Variants in RAP1GDS1 observed in about 807,000 individuals in gnomAD.
The protein encoded by RAP1GDS1 is Rap1 GTPase-GDP dissociation stimulator 1, also known as RAP1, GTP-GDP dissociation stimulator 1.
A neutral mutation model predicts 71.1 loss-of-function variants in RAP1GDS1; 35 were observed. The ratio of observed to expected loss-of-function variants is 0.49; its 90% CI spans 0.38 to 0.65. The LOEUF (loss-of-function observed/expected upper bound fraction) is 0.65, where lower values mean the gene tolerates loss of function less well. RAP1GDS1 is among the 30% of genes least tolerant of loss of function. The pLI, the probability that RAP1GDS1 is intolerant of heterozygous loss-of-function variation, is 0.00. For missense variants in RAP1GDS1, 663 were observed against 706.1 expected, an observed-to-expected ratio of 0.94 and a Z score of 0.69; for synonymous variants, 229 against 243.1, an observed-to-expected ratio of 0.94 and a Z score of 0.54.
intron 1 of RAP1GDS1, among the ~76,000 whole-genome samples, chr4:98,263,869 G>A (rs1288681949): frequency 6.6e-6 from 1 of 152,148 alleles, no homozygotes; most frequent in African/African-American, 2.4e-5. Flanking sequence ...CTGTAGGTTG[G>A]TTTTGAGTCA....
At chr4:98,408,824 A>T (rs1461285381) in intron 7 of RAP1GDS1, among the ~76,000 whole-genome samples, 2 of 152,192 alleles carry the variant, frequency 1.3e-5, no homozygotes, top group Non-Finnish European at 2.9e-5. Flanking sequence ...AAAGCTTTTC[A>T]TAAAATTAAG....
In RAP1GDS1 at chr4:98,372,953, G is replaced by A. The variant is rs573792252; in HGVS notation, c.362-6064G>A. 1.6e-4 allele frequency among the ~76,000 whole-genome samples: 24 copies of A among 152,328 alleles called. 1 individual carries two copies. The highest frequency in any genetic ancestry group is 5.8e-4 in the African/African-American group (24 of 41,584). ...GACCTTCCTGCCTTGGCCTCCCAAA[G>A]TGCTGAGATTATAGGCGTGAGCCAC... On this transcript the variant is annotated intron_variant, in intron 4 of 14. Transcript: ENST00000408927.
At chr4:98,393,211 G>C (rs1743990757) in intron 6 of RAP1GDS1, among the ~76,000 whole-genome samples, 1 of 152,138 alleles carries the variant, frequency 6.6e-6, no homozygotes, top group Non-Finnish European at 1.5e-5. Flanking sequence ...CTAACTGAAA[G>C]CTCATCTTGA....
chr4:98,314,568 T>C (rs1208397297), intron 2 of RAP1GDS1, among the ~76,000 whole-genome samples: 2 of 152,150 alleles, frequency 1.3e-5, no homozygotes, highest in African/African-American at 4.8e-5. Flanking sequence ...ATTCATTGTT[T>C]GTATAAGCCT....
chr4:98,349,506 A>G (rs1424576125), intron 3 of RAP1GDS1, among the ~76,000 whole-genome samples: 1 of 152,196 alleles, frequency 6.6e-6, no homozygotes, highest in Non-Finnish European at 1.5e-5. Flanking sequence ...CTGTGAAGGA[A>G]GTCATTGGTA....
intron 1 of RAP1GDS1, among the ~76,000 whole-genome samples, chr4:98,274,659 A>G (rs528425031): frequency 3.5e-4 from 53 of 152,252 alleles, no homozygotes; most frequent in African/African-American, 1.3e-3. Context: ...CAACTTGGGA[A>G]ATATTCTTGC....
chr4:98,404,401 A>T, intron 6 of RAP1GDS1, 76 bp from the exon 7 acceptor site: 1 of 1,352,862 alleles, frequency 7.4e-7, no homozygotes, highest in Non-Finnish European at 1.0e-6. Context: ...ATGGTACAAA[A>T]TAACTAAGTA....
intron 2 of RAP1GDS1, among the ~76,000 whole-genome samples, chr4:98,309,183 T>G (rs1299094591): frequency 6.6e-6 from 1 of 151,978 alleles, no homozygotes; most frequent in African/African-American, 2.4e-5. Context: ...TAGAACAAAA[T>G]TTTTAAAATA....
intron 1 of RAP1GDS1, among the ~76,000 whole-genome samples, chr4:98,284,316 A>G (rs1340232137): frequency 2.6e-5 from 4 of 152,138 alleles, no homozygotes; most frequent in Admixed American, 2.0e-4. Flanking sequence ...TAGGGTACAA[A>G]TGATCCCATC....
At chr4:98,420,317 AATTATTTATTTATACAT>A (rs1160251416) in intron 11 of RAP1GDS1, among the ~76,000 whole-genome samples, 173 bp downstream of exon 11, 3 of 150,944 alleles carry the variant, frequency 2.0e-5, no homozygotes, top group African/African-American at 7.3e-5. Context: ...TGCTTGTTAT[AATTATTTATTTATACAT>A]ATTATTTATT....
intron 3 of RAP1GDS1, among the ~76,000 whole-genome samples, chr4:98,347,101 A>G (rs1736410135): frequency 6.6e-6 from 1 of 152,216 alleles, no homozygotes; most frequent in South Asian, 2.1e-4. Context: ...ATTTGGCTTG[A>G]AAATTTTGGT....
chr4:98,273,495 TTC>T lies in RAP1GDS1; in HGVS notation c.4+11928_4+11929del, dbSNP rs1723781761. Among the ~76,000 whole-genome samples, 5 of 152,036 alleles carry T rather than the reference TTC, an allele frequency of 3.3e-5. No homozygotes were observed. In the South Asian group the frequency reaches 1.0e-3, roughly 32 times the overall value. On this transcript the variant is annotated intron_variant, in intron 1 of 14. Transcript: ENST00000408927. The stretch of plus-strand genomic sequence containing the variant: ...TGATTAAAAAATGAAAAGACTGGAG[TTC>T]TTTTTTTTTAATTTATATTTTTTAT...
intron 5 of RAP1GDS1, among the ~76,000 whole-genome samples, chr4:98,389,326 C>T (rs1221586763): frequency 6.6e-6 from 1 of 151,786 alleles, no homozygotes; most frequent in African/African-American, 2.4e-5. Context: ...CTCTCTCCTC[C>T]TCTGGACCTT....
At chr4:98,305,062 T>C (rs577055072) in intron 2 of RAP1GDS1, among the ~76,000 whole-genome samples, 15 of 152,322 alleles carry the variant, frequency 9.8e-5, no homozygotes, top group African/African-American at 3.6e-4. Flanking sequence ...GCTGTTTTGG[T>C]TACTGTAGCC....
chr4:98,392,546 C>T (rs988961691), intron 6 of RAP1GDS1, among the ~76,000 whole-genome samples: 3 of 151,982 alleles, frequency 2.0e-5, no homozygotes, highest in African/African-American at 7.2e-5. Flanking sequence ...ACAAAAAATA[C>T]AAAAATTAGC....
At chr4:98,374,356 A>G (rs1482090703) in intron 4 of RAP1GDS1, among the ~76,000 whole-genome samples, 1 of 152,050 alleles carries the variant, frequency 6.6e-6, no homozygotes, top group African/African-American at 2.4e-5. Context: ...TCTTTCTTAC[A>G]GTCTCCATTT....
At chr4:98,289,457 G>A (rs1726565719) in intron 1 of RAP1GDS1, among the ~76,000 whole-genome samples, 1 of 151,514 alleles carries the variant, frequency 6.6e-6, no homozygotes, top group South Asian at 2.1e-4. Context: ...ATAATGTGGT[G>A]GGACTGACAC....
Position 98,361,139 on chromosome 4 carries a change from C to T in RAP1GDS1, c.361+8538C>T, listed in dbSNP as rs935609521. On this transcript the variant is annotated intron_variant, in intron 4 of 14. Coordinates refer to ENST00000408927, the MANE Select transcript of RAP1GDS1 (RefSeq NM_001100427.2). ...TCCTGCTGAGTAAAATGTTTTTACC[C>T]GTTGAGAAACTATGCTGTCATCAGT... 2.6e-5 allele frequency among the ~76,000 whole-genome samples: 4 copies of T among 151,138 alleles called. No homozygotes were observed. The Admixed American group carries it at 2.6e-4, about 10-fold the overall frequency.
At chr4:98,364,820 G>T (rs1271587683) in intron 4 of RAP1GDS1, among the ~76,000 whole-genome samples, 2 of 151,940 alleles carry the variant, frequency 1.3e-5, no homozygotes, top group Non-Finnish European at 2.9e-5. Flanking sequence ...TGGAGTCCAG[G>T]AGTTCAAGAC....
Sources: allele counts gnomAD v4.1 joint callset (sites outside exome capture counted in the v4.1 genomes callset), GRCh38; gene constraint gnomAD v4.1.1; transcripts MANE v1.5; gene names NCBI Gene and HGNC (gene_info 2026-07-23, HGNC 2026-07-21).